ZMYM4: variants seen among roughly 807,000 people sequenced by gnomAD.
ZMYM4 encodes zinc finger MYM-type containing 4.
Under a neutral mutation model 183.2 loss-of-function variants are expected in ZMYM4, and 31 were observed. The observed-to-expected ratio is 0.17, with a 90% CI of 0.13 to 0.23. The LOEUF (loss-of-function observed/expected upper bound fraction) is 0.23. ZMYM4 is among the 10% of genes least tolerant of loss of function. ZMYM4 has a pLI of 1.00. For synonymous variants in ZMYM4, 592 were observed against 631.2 expected (o/e 0.94, Z 0.93); for missense variants, 1,273 against 1,840.3 (o/e 0.69, Z 5.64).
intron 1 of ZMYM4, among the ~76,000 whole-genome samples, chr1:35,296,775 A>G (rs1641033349): frequency 6.7e-6 from 1 of 149,878 alleles, no homozygotes; most frequent in Non-Finnish European, 1.5e-5. Flanking sequence ...AGATATTCCC[A>G]TTTGAAGTTT....
At chr1:35,281,038 A>G (rs1415861217) in intron 1 of ZMYM4, among the ~76,000 whole-genome samples, 2 of 152,178 alleles carry the variant, frequency 1.3e-5, no homozygotes, top group African/African-American at 4.8e-5. Flanking sequence ...TAATCCCAGC[A>G]CATTGAGAGG....
chr1:35,363,373 T>C (rs1361596312), intron 5 of ZMYM4, among the ~76,000 whole-genome samples: 1 of 152,226 alleles, frequency 6.6e-6, no homozygotes, highest in Non-Finnish European at 1.5e-5. Context: ...TGTGAAGAAA[T>C]GTCCTGTGCA....
Position 35,415,522 on chromosome 1 carries a change from G to A in ZMYM4, c.4117G>A (p.Ala1373Thr). 6.2e-7 allele frequency: 1 copy of A among 1,614,176 alleles called. No individual in the cohort carries two copies. Among genetic ancestry groups the A allele is most frequent in the Non-Finnish European group, 8.5e-7 (1 of 1,180,026 alleles). ...EHLWECKQLG[A>T]YSPIVLLNTL... ...TTTGTGGGAGTGCAAACAGCTGGGC[G>A]CTTACTCACCAATCGTCCTTTTAAA... Residue 1373 changes from alanine to threonine, a missense_variant, in exon 28 of 30, where the codon GCT becomes ACT. This residue lies in a region of ZMYM4 where 145 missense variants were observed against 331.6 expected (regional missense o/e 0.44). Coordinates refer to ENST00000314607, the MANE Select transcript of ZMYM4 (RefSeq NM_005095.3).
At chr1:35,313,537 C>A (rs1056449637) in intron 1 of ZMYM4, among the ~76,000 whole-genome samples, 1 of 151,614 alleles carries the variant, frequency 6.6e-6, no homozygotes, top group Non-Finnish European at 1.5e-5. Flanking sequence ...TACAGGCGGG[C>A]GTCACCACAC....
intron 1 of ZMYM4, among the ~76,000 whole-genome samples, chr1:35,317,845 A>G (rs1642116141): frequency 6.6e-6 from 1 of 152,182 alleles, no homozygotes; most frequent in Non-Finnish European, 1.5e-5. Flanking sequence ...CATAAAGGGG[A>G]GTGTGTAGAT....
At chr1:35,302,993 AT>A (rs1641358620) in intron 1 of ZMYM4, among the ~76,000 whole-genome samples, 1 of 150,944 alleles carries the variant, frequency 6.6e-6, no homozygotes, top group Non-Finnish European at 1.5e-5. Context: ...AAAAAAAATT[AT>A]CCAGGGCATA....
At chr1:35,350,871 G>A (rs748252053) in intron 2 of ZMYM4, 116 of 594,792 alleles carry the variant, frequency 2.0e-4, no homozygotes, top group Non-Finnish European at 3.1e-4. Context: ...ACAAATACAG[G>A]ATGATAATTT....
chr1:35,317,216 TGAGGTCTG>T (rs1177386977), intron 1 of ZMYM4, among the ~76,000 whole-genome samples: 1 of 151,984 alleles, frequency 6.6e-6, no homozygotes, highest in African/African-American at 2.4e-5. Flanking sequence ...GTGGATCGCC[TGAGGTCTG>T]GAGTTCGAGA....
At chr1:35,382,503 T>C (rs371590745) in intron 9 of ZMYM4, among the ~76,000 whole-genome samples, 13 of 149,934 alleles carry the variant, frequency 8.7e-5, no homozygotes, top group African/African-American at 3.2e-4. Context: ...CAGGCTGGAG[T>C]GTGATCCCGG....
rs151008114 is a variant in ZMYM4, at chr1:35,355,916, T to G, written c.86-3009T>G. Among the ~76,000 whole-genome samples the G allele has an allele frequency of 1.7e-3, 262 of 152,320 alleles. 1 individual carries two copies. The highest frequency in any genetic ancestry group is 6.8e-3 in the Middle Eastern group (2 of 294). ...TATGACTACCCTTTTCTTCAAATACTATATCCTGAATTTAAATGTAATGAT... is the reference window on the plus strand; with the variant it reads ...TATGACTACCCTTTTCTTCAAATACGATATCCTGAATTTAAATGTAATGAT... On this transcript the variant is annotated intron_variant, in intron 2 of 29. Transcript: ENST00000314607.
intron 27 of ZMYM4, 44 bp from the exon 28 acceptor site, chr1:35,415,422 A>C (rs758674414): frequency 6.2e-7 from 1 of 1,609,790 alleles, no homozygotes; most frequent in Admixed American, 1.7e-5. Context: ...AGTCTACTTT[A>C]GCAGGAGCTC....
In ZMYM4 at chr1:35,413,639, G is replaced by A. The variant is rs574542197; in HGVS notation, c.3949-333G>A. Among the ~76,000 whole-genome samples, 52 of 152,340 alleles carry A rather than the reference G, an allele frequency of 3.4e-4. 1 individual carries two copies. Among genetic ancestry groups the A allele is most frequent in the African/African-American group, 1.2e-3 (51 of 41,576 alleles). On this transcript the variant is annotated intron_variant, in intron 26 of 29. Coordinates refer to ENST00000314607, the MANE Select transcript of ZMYM4 (RefSeq NM_005095.3). ...AATCAGGAAAAACATGATTTGGAAC[G>A]TGTGCATTGGAACCAAGTTTTAGTA...
intron 2 of ZMYM4, among the ~76,000 whole-genome samples, chr1:35,354,464 G>A (rs969019415): frequency 1.3e-5 from 2 of 152,012 alleles, no homozygotes; most frequent in Non-Finnish European, 2.9e-5. Context: ...GGTGTCAAAC[G>A]CCTGTAATCC....
At chr1:35,352,263 G>GCACA (rs1643640371) in intron 2 of ZMYM4, among the ~76,000 whole-genome samples, 1 of 69,420 alleles carries the variant, frequency 1.4e-5, no homozygotes, top group African/African-American at 7.5e-5. Context: ...GCGCGCACGC[G>GCACA]CGCGCGCACA....
At chr1:35,272,655 A>G (rs985624848) in intron 1 of ZMYM4, among the ~76,000 whole-genome samples, 1 of 152,074 alleles carries the variant, frequency 6.6e-6, no homozygotes, top group Non-Finnish European at 1.5e-5. Context: ...ATGGATCCAG[A>G]TTTAGGGATC....
intron 1 of ZMYM4, among the ~76,000 whole-genome samples, chr1:35,320,250 C>T (rs1416196073): frequency 2.0e-5 from 3 of 152,174 alleles, no homozygotes; most frequent in Non-Finnish European, 4.4e-5. Flanking sequence ...GGCTAAACAT[C>T]GAGTTGAGCA....
At chr1:35,288,567 A>G (rs947192991) in intron 1 of ZMYM4, among the ~76,000 whole-genome samples, 4 of 152,186 alleles carry the variant, frequency 2.6e-5, no homozygotes, top group Non-Finnish European at 5.9e-5. Flanking sequence ...TCCACCCAGC[A>G]CAGCTGAGAC....
chr1:35,335,523 G>T (rs114465332), intron 2 of ZMYM4, among the ~76,000 whole-genome samples: 2,655 of 152,252 alleles, frequency 0.017, 72 homozygotes, highest in African/African-American at 0.06. Context: ...ACGGGTGTGA[G>T]CCACCATGCC....
intron 1 of ZMYM4, among the ~76,000 whole-genome samples, chr1:35,303,287 CAAA>C (rs768765815): frequency 3.4e-4 from 24 of 70,954 alleles, no homozygotes; most frequent in Admixed American, 5.6e-4. Flanking sequence ...TACCTTGTCT[CAAA>C]AAAAAAAAAA....
Sources: allele counts gnomAD v4.1 joint callset (sites outside exome capture counted in the v4.1 genomes callset), GRCh38; gene constraint gnomAD v4.1.1; regional missense constraint gnomAD v4.1.1; transcripts MANE v1.5; gene names NCBI Gene and HGNC (gene_info 2026-07-23, HGNC 2026-07-21).